Variants in ZFP3 observed in about 807,000 individuals in gnomAD.
The protein encoded by ZFP3 is zinc finger protein 3 homolog.
Under a neutral mutation model 36.7 loss-of-function variants are expected in ZFP3, and 18 were observed. The observed-to-expected ratio is 0.49, with a 90% CI of 0.34 to 0.73. The LOEUF (loss-of-function observed/expected upper bound fraction) is 0.73. ZFP3 is among the 30% of genes least tolerant of loss of function. The probability of loss-of-function intolerance (pLI) is 0.01; values close to 1 mark genes in which losing one functional copy is unlikely to be tolerated. For synonymous variants in ZFP3, 218 were observed against 199.0 expected (o/e 1.10, Z -0.81); for missense variants, 495 against 599.0 (o/e 0.83, Z 1.81).
Position 5,092,351 on chromosome 17 carries a change from T to C in ZFP3, c.847T>C (p.Cys283Arg), listed in dbSNP as rs1361854316. The C allele has an allele frequency of 6.2e-7, 1 of 1,614,178 alleles. No individual in the cohort carries two copies. The highest frequency in any genetic ancestry group is 8.5e-7 in the Non-Finnish European group (1 of 1,180,026). ...RIHTEERYHE[C>R]NECGKAFKHS... ...TCATACTGAAGAAAGATACCATGAA[T>C]GCAATGAGTGTGGCAAAGCCTTCAA... Residue 283 changes from cysteine (C) to arginine (R), a missense_variant, in exon 2 of 2, where the codon TGC (cysteine) becomes CGC (arginine). By Grantham distance (180) the Cys-to-Arg change is radical. This residue lies in a region of ZFP3 where 103 missense variants were observed against 186.8 expected (regional missense o/e 0.55). Transcript: ENST00000318833. This position sits in a 1 kb window ranked among gnomAD's most constrained non-coding sequence, Gnocchi z 5.0.
At position 5,092,404 on chromosome 17, in the gene ZFP3, GA is replaced by G; in HGVS notation, c.904del (p.Ile302PhefsTer245). On this transcript the variant is annotated frameshift_variant, in exon 2 of 2. Coordinates refer to ENST00000318833, the MANE Select transcript of ZFP3 (RefSeq NM_153018.3). LOFTEE classifies it high-confidence loss of function. This position sits in a 1 kb window ranked among gnomAD's most constrained non-coding sequence, Gnocchi z 5.0. Reference protein sequence around the residue: ...KHSSGLIRHQKIHTGEKPYLC... With the variant: ...KHSSGLIRHQXIHTGEKPYLC... ...ATAGCTCAGGCCTTATTAGACACCA[GA>G]AAATTCATACTGGAGAAAAACCATA... is the stretch of plus-strand genomic sequence containing the variant. The G allele has an allele frequency of 6.2e-7, 1 of 1,614,176 alleles. No individual in the cohort carries two copies. Among genetic ancestry groups the G allele is most frequent in the Non-Finnish European group, 8.5e-7 (1 of 1,180,028 alleles).
chr17:5,084,877 A>C (rs887599968), intron 1 of ZFP3, among the ~76,000 whole-genome samples: 1 of 152,238 alleles, frequency 6.6e-6, no homozygotes, highest in Non-Finnish European at 1.5e-5. Context: ...TCTGAGGCCT[A>C]ATATATGGCT....
intron 1 of ZFP3, among the ~76,000 whole-genome samples, chr17:5,088,484 T>C (rs2072132509): frequency 6.6e-6 from 1 of 151,568 alleles, no homozygotes; most frequent in Non-Finnish European, 1.5e-5. Context: ...TTCTTTTTTT[T>C]TTTTTTTTTT....
In ZFP3 at chr17:5,092,028, G is replaced by A. The variant is rs1313966054; in HGVS notation, c.524G>A (p.Gly175Glu). Reference protein sequence around the residue: ...GEKPFECKECGKTFGTNSSLR... With the variant: ...GEKPFECKECEKTFGTNSSLR... ...AAACCCTTTGAATGTAAAGAATGTG[G>A]AAAGACATTTGGAACTAATTCAAGC... The change falls in exon 2 of 2, where the codon GGA (glycine) becomes GAA (glutamate). Residue 175 changes from glycine to glutamate, a missense_variant. Around this residue, in one of 3 missense-constraint regions of ZFP3, gnomAD observed 229 missense variants for 233.8 expected, o/e 0.98. Transcript: ENST00000318833. The surrounding 1 kb of genome is among the most constrained non-coding windows in gnomAD (Gnocchi z 5.0). 6.2e-7 allele frequency: 1 copy of A among 1,614,108 alleles called. No homozygotes were observed. The highest frequency in any genetic ancestry group is 1.3e-5 in the African/African-American group (1 of 74,940).
chr17:5,090,368 G>C (rs2072143530), intron 1 of ZFP3, among the ~76,000 whole-genome samples: 1 of 152,204 alleles, frequency 6.6e-6, no homozygotes, highest in African/African-American at 2.4e-5. Context: ...TTAGACTATG[G>C]CATAGGTGGC....
intron 1 of ZFP3, among the ~76,000 whole-genome samples, chr17:5,079,342 T>C (rs555898059): frequency 6.6e-6 from 1 of 151,962 alleles, no homozygotes; most frequent in African/African-American, 2.4e-5. Context: ...GGCAACATAG[T>C]GAGACACCAT....
At position 5,094,918 on chromosome 17, in the gene ZFP3, A is replaced by G. The variant is rs1467712349; in HGVS notation, c.*1905A>G. 2 of 167,100 alleles carry G rather than the reference A, an allele frequency of 1.2e-5. No individual in the cohort carries two copies. The highest frequency in any genetic ancestry group is 2.4e-5 in the African/African-American group (1 of 41,454). The allele number at this position is 167,100 out of a possible 1,614,324, so 10.4% of individuals were successfully genotyped here. A position where few individuals can be genotyped will look rare whatever the true frequency, so the allele number is the denominator to read the frequency against. On this transcript the variant is annotated 3_prime_UTR_variant, in exon 2 of 2. Transcript: ENST00000318833. ...GATGTGGGTATTCTTACCCCAATTT[A>G]AAAGATAAGAAGGGGCAGTGTTAAG...
At chr17:5,087,991 T>C (rs920054668) in intron 1 of ZFP3, among the ~76,000 whole-genome samples, 1 of 152,160 alleles carries the variant, frequency 6.6e-6, no homozygotes, top group Non-Finnish European at 1.5e-5. Flanking sequence ...CGTGACTGTT[T>C]CTTTGACTCC....
Position 5,092,076 on chromosome 17 carries a change from A to G in ZFP3, c.572A>G (p.His191Arg). The G allele has an allele frequency of 6.2e-7, 1 of 1,614,256 alleles. No individual in the cohort carries two copies. The highest frequency in any genetic ancestry group is 8.5e-7 in the Non-Finnish European group (1 of 1,180,040). The change falls in exon 2 of 2, where the codon CAT (histidine) becomes CGT (arginine). Residue 191 changes from histidine (H) to arginine (R), a missense_variant. Physicochemically the swap from His to Arg is conservative, Grantham distance 29. This residue lies in a region of ZFP3 where 229 missense variants were observed against 233.8 expected (regional missense o/e 0.98). Transcript: ENST00000318833. This position sits in a 1 kb window ranked among gnomAD's most constrained non-coding sequence, Gnocchi z 5.0. ...AGCCTTCGACGGCACCTGAGAATTC[A>G]TGCTGGAGAAAAACCCTTTGCTTGT... ...NSSLRRHLRIHAGEKPFACNE... is the reference protein window; with the variant it reads ...NSSLRRHLRIRAGEKPFACNE...
intron 1 of ZFP3, among the ~76,000 whole-genome samples, chr17:5,080,492 C>G (rs1567747601): frequency 1.3e-5 from 2 of 152,154 alleles, no homozygotes; most frequent in African/African-American, 4.8e-5. Context: ...AGGTTTGTGT[C>G]TCTTTATACA....
chr17:5,088,044 C>G (rs2072130128), intron 1 of ZFP3, among the ~76,000 whole-genome samples: 1 of 152,196 alleles, frequency 6.6e-6, no homozygotes, highest in Non-Finnish European at 1.5e-5. Context: ...ATGCTACACT[C>G]AGGCTGAGTA....
intron 1 of ZFP3, among the ~76,000 whole-genome samples, chr17:5,081,967 T>G (rs1163873931): frequency 6.7e-6 from 1 of 148,750 alleles, no homozygotes; most frequent in Non-Finnish European, 1.5e-5. Context: ...ATCCTAGCAC[T>G]TTTGGAGGCC....
intron 1 of ZFP3, among the ~76,000 whole-genome samples, chr17:5,090,124 A>G (rs1364340379): frequency 6.6e-6 from 1 of 152,254 alleles, no homozygotes; most frequent in Non-Finnish European, 1.5e-5. Flanking sequence ...CAGAGACATG[A>G]TGAACATAAA....
chr17:5,091,897 A>G lies in ZFP3; in HGVS notation c.393A>G (p.Thr131=). ...NFLEILESNK[T]QRSSVGEKPH... is the part of the protein sequence containing the mutation. ...TAGAGATTTTAGAATCTAACAAAACACAGAGAAGTTCTGTGGGAGAAAAGC... is the reference window on the plus strand; with the variant it reads ...TAGAGATTTTAGAATCTAACAAAACGCAGAGAAGTTCTGTGGGAGAAAAGC... The change falls in exon 2 of 2, where the codon ACA becomes ACG. Residue 131 remains threonine, a synonymous_variant. Transcript: ENST00000318833. The G allele has an allele frequency of 6.2e-7, 1 of 1,614,242 alleles. No homozygotes were observed. Among genetic ancestry groups the G allele is most frequent in the Non-Finnish European group, 8.5e-7 (1 of 1,180,044 alleles).
At chr17:5,080,700 C>T (rs1385193044) in intron 1 of ZFP3, among the ~76,000 whole-genome samples, 1 of 152,256 alleles carries the variant, frequency 6.6e-6, no homozygotes, top group Non-Finnish European at 1.5e-5. Context: ...TCTCTGTAAC[C>T]TCCATCTCTT....
At chr17:5,081,231 C>A (rs1227170783) in intron 1 of ZFP3, among the ~76,000 whole-genome samples, 1 of 151,884 alleles carries the variant, frequency 6.6e-6, no homozygotes, top group Non-Finnish European at 1.5e-5. Context: ...GTAGCTGGGA[C>A]TACAGGTGCC....
Position 5,094,901 on chromosome 17 carries a change from T to C in ZFP3, c.*1888T>C, listed in dbSNP as rs537766292. ...GTGGTGCAACCATCAATGATGTGGG[T>C]ATTCTTACCCCAATTTAAAAGATAA... On this transcript the variant is annotated 3_prime_UTR_variant, in exon 2 of 2. Transcript: ENST00000318833. 4 of 167,192 alleles carry C rather than the reference T, an allele frequency of 2.4e-5. No individual in the cohort carries two copies. Among genetic ancestry groups the C allele is most frequent in the African/African-American group, 9.6e-5 (4 of 41,558 alleles). The allele number at this position is 167,192 out of a possible 1,614,324, so 10.4% of individuals were successfully genotyped here. A position where few individuals can be genotyped will look rare whatever the true frequency, so the allele number is the denominator to read the frequency against.
At chr17:5,091,255 G>GT (rs1182693948) in intron 1 of ZFP3, among the ~76,000 whole-genome samples, 1 of 151,882 alleles carries the variant, frequency 6.6e-6, no homozygotes, top group South Asian at 2.1e-4. Context: ...TTTCTGTTTT[G>GT]TTTTTTTGTT....
At position 5,092,900 on chromosome 17, in the gene ZFP3, A is replaced by C. The variant is rs746523891; in HGVS notation, c.1396A>C (p.Ile466Leu). 4 of 1,614,190 alleles carry C rather than the reference A, an allele frequency of 2.5e-6. No individual in the cohort carries two copies. In the Admixed American group the frequency reaches 5.0e-5, roughly 20 times the overall value. Reference sequence around the variant, plus strand: ...ATTTAGCCAGCATTCCCAACTTATCATACATCAGAGAATTCACACTGGAGA... The same window carrying C: ...ATTTAGCCAGCATTCCCAACTTATCCTACATCAGAGAATTCACACTGGAGA... ...KTFSQHSQLI[I>L]HQRIHTGEKP... The change falls in exon 2 of 2, where the codon ATA becomes CTA. Residue 466 changes from isoleucine to leucine, a missense_variant. Physicochemically the swap from Ile to Leu is conservative, Grantham distance 5 (BLOSUM62 2). This residue lies in a region of ZFP3 where 163 missense variants were observed against 178.4 expected (regional missense o/e 0.91). Coordinates refer to ENST00000318833, the MANE Select transcript of ZFP3 (RefSeq NM_153018.3). This position sits in a 1 kb window ranked among gnomAD's most constrained non-coding sequence, Gnocchi z 5.0.
Sources: allele counts gnomAD v4.1 joint callset (sites outside exome capture counted in the v4.1 genomes callset), GRCh38; gene constraint gnomAD v4.1.1; regional missense constraint gnomAD v4.1.1; non-coding constraint Gnocchi (gnomAD v3.1); transcripts MANE v1.5; gene names NCBI Gene and HGNC (gene_info 2026-07-23, HGNC 2026-07-21).